The following CHTOP variants were observed in gnomAD, a reference collection of about 807,000 sequenced individuals.
CHTOP encodes chromatin target of PRMT1, also known as chromatin target of PRMT1 protein.
A neutral mutation model predicts 33.6 loss-of-function variants in CHTOP; 18 were observed. The observed-to-expected ratio is 0.54, with a 90% CI of 0.37 to 0.80. The LOEUF (loss-of-function observed/expected upper bound fraction) is 0.80. Among genes scored for constraint, CHTOP ranks in the 30% least tolerant of loss-of-function variants. CHTOP has a pLI of 0.00. For synonymous variants in CHTOP, 117 were observed against 127.7 expected (o/e 0.92, Z 0.56); for missense variants, 263 against 336.8 (o/e 0.78, Z 1.71).
rs1160320597 is a variant in CHTOP at position 153,642,396 on chromosome 1, A to G, written c.370A>G (p.Arg124Gly). 2.5e-6 allele frequency: 4 copies of G among 1,614,044 alleles called. No homozygotes were observed. Among genetic ancestry groups the G allele is most frequent in the East Asian group, 4.5e-5 (2 of 44,888 alleles). The change falls in exon 4 of 6, where the codon AGA becomes GGA. Residue 124 changes from arginine to glycine, a missense_variant. By Grantham distance (125) the Arg-to-Gly change is moderately radical. Around this residue, in one of 3 missense-constraint regions of CHTOP, gnomAD observed 168 missense variants for 179.9 expected, o/e 0.93. Coordinates refer to ENST00000368694, the MANE Select transcript of CHTOP (RefSeq NM_015607.4). The stretch of plus-strand genomic sequence containing the variant: ...AGGACTACGTGGGGGACGTGCCACC[A>G]GAACCCTACTTAGGGGCGGGATGTC... ...RGGLRGGRAT[R>G]TLLRGGMSLR...
intron 2 of CHTOP, chr1:153,637,132 T>G (rs994439845): frequency 6.5e-6 from 1 of 153,758 alleles, no homozygotes; most frequent in African/African-American, 2.4e-5. Flanking sequence ...CCATTCTGCT[T>G]TTAGTTTGGT....
chr1:153,636,989 C>G (rs1281291097), intron 2 of CHTOP: 1 of 221,156 alleles, frequency 4.5e-6, no homozygotes, highest in African/African-American at 2.3e-5. Context: ...GGCTTGCTGC[C>G]CAGTCCAAGG....
At chr1:153,644,987 T>G in intron 5 of CHTOP, 77 bp from the exon 6 acceptor site, 1 of 1,371,366 alleles carries the variant, frequency 7.3e-7, no homozygotes, top group South Asian at 1.3e-5. Flanking sequence ...CCCACTGCTC[T>G]AAGGGGCATT....
chr1:153,640,962 CAAA>C (rs1422555704), intron 3 of CHTOP, among the ~76,000 whole-genome samples: 1 of 152,082 alleles, frequency 6.6e-6, no homozygotes, highest in African/African-American at 2.4e-5. Flanking sequence ...TTTTAAAGCA[CAAA>C]GCTTGGGAGA....
chr1:153,642,583 T>G, intron 4 of CHTOP, 154 bp downstream of exon 4: 1 of 561,874 alleles, frequency 1.8e-6, no homozygotes, highest in Non-Finnish European at 3.0e-6. Flanking sequence ...GCTGCATGTC[T>G]TTTATCAATA....
At chr1:153,638,038 C>G (rs1002480688) in intron 2 of CHTOP, 1 of 462,196 alleles carries the variant, frequency 2.2e-6, no homozygotes, top group East Asian at 4.2e-5. Flanking sequence ...CCTTCCACCT[C>G]TCTAAAAGCC....
At chr1:153,642,182 A>T in intron 3 of CHTOP, 64 bp from the exon 4 acceptor site, 8 of 1,411,628 alleles carry the variant, frequency 5.7e-6, no homozygotes, top group Non-Finnish European at 7.8e-6. Context: ...CTGCACTTTG[A>T]GTTGCCAAAT....
At position 153,639,812 on chromosome 1, in the gene CHTOP, G is replaced by A. The variant is rs1379398260; in HGVS notation, c.219+1364G>A. 2.6e-5 allele frequency among the ~76,000 whole-genome samples: 4 copies of A among 152,116 alleles called. No individual in the cohort carries two copies. The South Asian group carries it at 6.2e-4, about 24-fold the overall frequency. On this transcript the variant is annotated intron_variant, in intron 3 of 5. Transcript: ENST00000368694. ...TTTGGTTTGGTTTGGTTTGTTTTGA[G>A]ACGGAGTCTTGCTCTGTCACCCAGG...
At chr1:153,642,926 CATTT>C in intron 4 of CHTOP, 1 of 383,970 alleles carries the variant, frequency 2.6e-6, no homozygotes, top group Non-Finnish European at 4.8e-6. Flanking sequence ...GGAACCATAG[CATTT>C]ATTTTTAAAT....
At chr1:153,643,106 C>T in intron 4 of CHTOP, 121 bp from the exon 5 acceptor site, 2 of 1,205,518 alleles carry the variant, frequency 1.7e-6, no homozygotes, top group Non-Finnish European at 2.5e-6. Flanking sequence ...GCAGCTTGCC[C>T]CAGCCAACCT....
intron 2 of CHTOP, chr1:153,637,154 T>A (rs933257100): frequency 6.5e-6 from 1 of 153,518 alleles, no homozygotes; most frequent in Non-Finnish European, 1.5e-5. Context: ...TTGTTTTGGA[T>A]TCTTCTACAG....
In CHTOP at chr1:153,645,049, T is replaced by C. The variant is rs184115092; in HGVS notation, c.542-15T>C. On this transcript the variant is annotated splice_polypyrimidine_tract_variant and intron_variant, in intron 5 of 5. Transcript: ENST00000368694. ...GTAACTGTCTCTTTTTTTTTTTTTT[T>C]CCCCTTTGGGCCAGGTCGGGGTATG... The C allele has an allele frequency of 0.014, 21,932 of 1,576,700 alleles. 394 individuals are homozygous for C. The highest frequency in any genetic ancestry group is 0.11 in the African/African-American group (7,918 of 72,248).
In CHTOP at chr1:153,644,856, A is replaced by G. The variant is rs549413935; in HGVS notation, c.542-208A>G. ...AAATTTGTTAAAATAGCATTTAGAG[A>G]TGATCATGTGATAGAGGATTCATTA... is the stretch of plus-strand genomic sequence containing the variant. On this transcript the variant is annotated intron_variant, in intron 5 of 5. Coordinates refer to ENST00000368694, the MANE Select transcript of CHTOP (RefSeq NM_015607.4). Among the ~76,000 whole-genome samples, 43 of 152,316 alleles carry G rather than the reference A, an allele frequency of 2.8e-4. 1 individual carries two copies. The highest frequency in any genetic ancestry group is 1.0e-3 in the African/African-American group (43 of 41,564).
At chr1:153,636,409 CAAAAAA>C (rs35357072) in intron 1 of CHTOP, among the ~76,000 whole-genome samples, 157 bp from the exon 2 acceptor site, 1 of 122,740 alleles carries the variant, frequency 8.1e-6, no homozygotes, top group African/African-American at 3.1e-5. Flanking sequence ...GACCCTGTCT[CAAAAAA>C]AAAAAAAAAA....
intron 1 of CHTOP, among the ~76,000 whole-genome samples, chr1:153,635,964 A>ATTTGTTTGTTTTAAAGAGATGG (rs1208206540): frequency 6.6e-6 from 1 of 152,080 alleles, no homozygotes; most frequent in East Asian, 1.9e-4. Context: ...ATGGGGTCTC[A>ATTTGTTTGTTTTAAAGAGATGG]GGCCAGAGTG....
chr1:153,638,192 A>G, intron 2 of CHTOP, 103 bp from the exon 3 acceptor site: 2 of 1,233,848 alleles, frequency 1.6e-6, no homozygotes, highest in Non-Finnish European at 2.3e-6. Flanking sequence ...TTTACTTAAA[A>G]GTTCGTGGGA....
At chr1:153,638,818 G>A (rs927951213) in intron 3 of CHTOP, among the ~76,000 whole-genome samples, 4 of 151,578 alleles carry the variant, frequency 2.6e-5, no homozygotes, top group Non-Finnish European at 5.9e-5. Context: ...TTACCCAACA[G>A]GGAAATAATT....
chr1:153,643,452 C>A, intron 5 of CHTOP, 88 bp downstream of exon 5: 2 of 1,287,560 alleles, frequency 1.6e-6, no homozygotes, highest in South Asian at 4.0e-5. Flanking sequence ...AGCTTCAAGT[C>A]ATAGGCAGGC....
At chr1:153,636,478 A>T in intron 1 of CHTOP, 94 bp from the exon 2 acceptor site, 1 of 903,986 alleles carries the variant, frequency 1.1e-6, no homozygotes, top group Non-Finnish European at 1.8e-6. Flanking sequence ...CATCAGTGAT[A>T]AGGCCTTTTT....
Sources: allele counts gnomAD v4.1 joint callset (sites outside exome capture counted in the v4.1 genomes callset), GRCh38; gene constraint gnomAD v4.1.1; regional missense constraint gnomAD v4.1.1; transcripts MANE v1.5; gene names NCBI Gene and HGNC (gene_info 2026-07-23, HGNC 2026-07-21).